Variants in ANKRD11 observed in about 807,000 individuals in gnomAD.
The protein encoded by ANKRD11 is ankyrin repeat domain 11.
ANKRD11 carries 17 observed loss-of-function variants against 195.7 expected under a neutral mutation model. The observed-to-expected ratio is 0.09, with a 90% CI of 0.06 to 0.13. The LOEUF (loss-of-function observed/expected upper bound fraction) is 0.13, where lower values mean the gene tolerates loss of function less well. Ranked by LOEUF, ANKRD11 falls within the 10% of genes least tolerant of loss-of-function variation. The pLI, the probability that ANKRD11 is intolerant of heterozygous loss-of-function variation, is 1.00. For synonymous variants in ANKRD11, 1,953 were observed against 1,528.1 expected, an observed-to-expected ratio of 1.28 and a Z score of -6.49; for missense variants, 3,735 against 3,566.1, an observed-to-expected ratio of 1.05 and a Z score of -1.21.
intron 1 of ANKRD11, among the ~76,000 whole-genome samples, chr16:89,472,927 T>C (rs914154380): frequency 8.1e-4 from 123 of 152,264 alleles, no homozygotes; most frequent in Middle Eastern, 3.4e-3. Flanking sequence ...TAGTGGCTCA[T>C]GTCTGTGATC....
At chr16:89,436,400 G>A (rs1270881131) in intron 1 of ANKRD11, among the ~76,000 whole-genome samples, 2 of 141,886 alleles carry the variant, frequency 1.4e-5, no homozygotes, top group African/African-American at 5.1e-5. Flanking sequence ...GGGCAACAGA[G>A]TGAGACTCGG....
At chr16:89,453,655 G>A (rs936147118) in intron 1 of ANKRD11, among the ~76,000 whole-genome samples, 8 of 152,120 alleles carry the variant, frequency 5.3e-5, no homozygotes, top group African/African-American at 1.4e-4. Flanking sequence ...GTTCAAGCAC[G>A]AAAAAACATA....
chr16:89,446,106 A>T (rs1405894879), intron 1 of ANKRD11, among the ~76,000 whole-genome samples: 4 of 145,080 alleles, frequency 2.8e-5, no homozygotes, highest in East Asian at 2.0e-4. Flanking sequence ...CACCATCTTT[A>T]AAAAAAAAAA....
At position 89,280,417 on chromosome 16, in the gene ANKRD11, T is replaced by C. The variant is rs534182728; in HGVS notation, c.6125A>G (p.Asp2042Gly). ...GGTGGAGATGGCGGCGGGGACGGCG[T>C]CCACTCCGTCCTTGACGTCCTCCAG... is the stretch of plus-strand genomic sequence containing the variant. The part of the protein sequence containing the change: ...PGLEDVKDGV[D>G]AVPAAISTSE... The change falls in exon 9 of 13, where the codon GAC (aspartate) becomes GGC (glycine). Residue 2042 changes from aspartate (D) to glycine (G), a missense_variant. Transcript: ENST00000301030. The C allele has an allele frequency of 4.5e-4, 710 of 1,565,852 alleles. No individual in the cohort carries two copies. Among genetic ancestry groups the C allele is most frequent in the Admixed American group, 1.1e-3 (61 of 55,080 alleles).
At chr16:89,463,932 T>A (rs2056791620) in intron 1 of ANKRD11, among the ~76,000 whole-genome samples, 1 of 152,208 alleles carries the variant, frequency 6.6e-6, no homozygotes, top group African/African-American at 2.4e-5. Context: ...AATAGTACTG[T>A]AGTACTATTA....
In ANKRD11 at chr16:89,288,409, C is replaced by T. The variant is rs1224738254; in HGVS notation, c.744+119G>A. On this transcript the variant is annotated intron_variant, in intron 7 of 12. Transcript: ENST00000301030. ...AGCTCGGCCTTGAGGGTGGGCAAGG[C>T]GAAAACTCGCTTTCCTGTGCCCCAC... 29 of 1,516,418 alleles carry T rather than the reference C, an allele frequency of 1.9e-5. 1 individual carries two copies. Among genetic ancestry groups the T allele is most frequent in the African/African-American group, 4.1e-5 (3 of 72,940 alleles). The allele number at this position is 1,516,418 out of a possible 1,614,324, so 93.9% of individuals were successfully genotyped here.
intron 2 of ANKRD11, among the ~76,000 whole-genome samples, chr16:89,359,722 G>C (rs1361547359): frequency 2.0e-5 from 3 of 152,240 alleles, no homozygotes; most frequent in African/African-American, 4.8e-5. Flanking sequence ...CATTTTCAAC[G>C]GTCTTCATAT....
chr16:89,305,316 G>A lies in ANKRD11; in HGVS notation c.116C>T (p.Thr39Ile), dbSNP rs149152296. 252 of 1,613,870 alleles carry A rather than the reference G, an allele frequency of 1.6e-4. No homozygotes were observed. The highest frequency in any genetic ancestry group is 2.1e-4 in the Non-Finnish European group (242 of 1,179,906). ...KDKDKVSLTK[T>I]PKLERGDGGK... ...GCCATCGCCACGCTCCAGTTTTGGG[G>A]TCTTGGTTAGAGAAACTTTATCTTT... The change falls in exon 4 of 13, where the codon ACC (threonine) becomes ATC (isoleucine). Residue 39 changes from threonine to isoleucine, a missense_variant. Thr to Ile is a moderately conservative substitution (Grantham distance 89). Coordinates refer to ENST00000301030, the MANE Select transcript of ANKRD11 (RefSeq NM_013275.6).
chr16:89,437,647 C>A (rs1378550217), intron 1 of ANKRD11, among the ~76,000 whole-genome samples: 1 of 152,198 alleles, frequency 6.6e-6, no homozygotes, highest in East Asian at 1.9e-4. Flanking sequence ...GGATTCAAGG[C>A]TAGAGACGCT....
At position 89,330,560 on chromosome 16, in the gene ANKRD11, G is replaced by A. The variant is rs576456231; in HGVS notation, c.-59-13482C>T. Among the ~76,000 whole-genome samples, 193 of 151,306 alleles carry A rather than the reference G, an allele frequency of 1.3e-3. 1 individual carries two copies. Among genetic ancestry groups the A allele is most frequent in the African/African-American group, 4.5e-3 (185 of 41,206 alleles). On this transcript the variant is annotated intron_variant, in intron 2 of 12. Transcript: ENST00000301030. ...AGTGCAGTCATTGATGGGGTGGTGTGGGGGGGAGCCACGGCACCTCTGTGA... is the reference window on the plus strand; with the variant it reads ...AGTGCAGTCATTGATGGGGTGGTGTAGGGGGGAGCCACGGCACCTCTGTGA...
chr16:89,426,047 CCT>C lies in ANKRD11; in HGVS notation c.-144-7681_-144-7680del, dbSNP rs555511957. On this transcript the variant is annotated intron_variant, in intron 1 of 12. Transcript: ENST00000301030. Reference sequence around the variant, plus strand: ...TGCCTGCCCTGATAGGAATCAAACTCCTCTGCTAAAGAACAAAAGCCAACTAT... The same window carrying C: ...TGCCTGCCCTGATAGGAATCAAACTCCTGCTAAAGAACAAAAGCCAACTAT... 6.1e-3 allele frequency among the ~76,000 whole-genome samples: 928 copies of C among 152,268 alleles called. 14 individuals are homozygous for C. Among genetic ancestry groups the C allele is most frequent in the African/African-American group, 0.021 (886 of 41,560 alleles).
At position 89,279,612 on chromosome 16, in the gene ANKRD11, G is replaced by T. The variant is rs1205973857; in HGVS notation, c.6930C>A (p.Ile2310=). 2 of 1,439,210 alleles carry T rather than the reference G, an allele frequency of 1.4e-6. No homozygotes were observed. The highest frequency in any genetic ancestry group is 1.8e-6 in the Non-Finnish European group (2 of 1,099,370). 89.2% of individuals were successfully genotyped at this position (1,439,210 alleles called of 1,614,324 possible). ...AAPAEGPPGG[I]QPEAAEPKPT... ...GTTTTGGTTCTGCGGCTTCCGGCTG[G>T]ATGCCGCCAGGAGGGCCTTCGGCTG... Residue 2310 remains isoleucine, a synonymous_variant, in exon 9 of 13, where the codon ATC becomes ATA. Transcript: ENST00000301030. This position sits in a 1 kb window ranked among gnomAD's most constrained non-coding sequence, Gnocchi z 5.6.
At chr16:89,300,838 A>C (rs2035807847) in intron 4 of ANKRD11, 1 of 701,726 alleles carries the variant, frequency 1.4e-6, no homozygotes, top group African/African-American at 1.7e-5. Flanking sequence ...AAAATAAGAA[A>C]ATCATAATTT....
At chr16:89,325,623 C>A (rs572375614) in intron 2 of ANKRD11, among the ~76,000 whole-genome samples, 1 of 152,298 alleles carries the variant, frequency 6.6e-6, no homozygotes, top group East Asian at 1.9e-4. Context: ...GGCTGCCTGG[C>A]GGATGGAATT....
intron 4 of ANKRD11, among the ~76,000 whole-genome samples, chr16:89,293,948 G>A (rs2035248570): frequency 2.6e-5 from 4 of 152,154 alleles, no homozygotes; most frequent in South Asian, 2.1e-4. Flanking sequence ...CCGCTCTGAG[G>A]GGCAGCAAAG....
intron 11 of ANKRD11, among the ~76,000 whole-genome samples, chr16:89,273,756 T>A (rs2033394498): frequency 6.6e-6 from 1 of 151,852 alleles, no homozygotes; most frequent in South Asian, 2.1e-4. Context: ...ATAAAATACA[T>A]CCCCAAAGAA....
intron 2 of ANKRD11, among the ~76,000 whole-genome samples, chr16:89,399,460 C>A (rs1555566220): frequency 6.6e-6 from 1 of 152,224 alleles, no homozygotes; most frequent in African/African-American, 2.4e-5. Context: ...AAGGGCAAAA[C>A]CGTGCAGACA....
chr16:89,328,077 T>G (rs57989856), intron 2 of ANKRD11, among the ~76,000 whole-genome samples: 429 of 152,026 alleles, frequency 2.8e-3, no homozygotes, highest in African/African-American at 0.01. Context: ...TCAGAAGAGG[T>G]GCACGTGGTG....
At chr16:89,448,199 T>C (rs1298238624) in intron 1 of ANKRD11, among the ~76,000 whole-genome samples, 1 of 152,092 alleles carries the variant, frequency 6.6e-6, no homozygotes, top group Admixed American at 6.5e-5. Context: ...AGTGGGCACC[T>C]TGCAGACACT....
Sources: allele counts gnomAD v4.1 joint callset (sites outside exome capture counted in the v4.1 genomes callset), GRCh38; gene constraint gnomAD v4.1.1; non-coding constraint Gnocchi (gnomAD v3.1); transcripts MANE v1.5; gene names NCBI Gene and HGNC (gene_info 2026-07-23, HGNC 2026-07-21).